The following KIFAP3 variants were observed in gnomAD, a reference collection of about 807,000 sequenced individuals.
KIFAP3 encodes the protein kinesin-associated protein 3.
A neutral mutation model predicts 106.5 loss-of-function variants in KIFAP3; 68 were observed. The observed-to-expected ratio is 0.64, with a 90% CI of 0.53 to 0.78. KIFAP3 has a LOEUF of 0.78. Ranked by LOEUF, KIFAP3 falls within the 30% of genes least tolerant of loss-of-function variation. The pLI is 0.00. For synonymous variants in KIFAP3, 320 were observed against 311.5 expected (o/e 1.03, Z -0.29); for missense variants, 780 against 941.8 (o/e 0.83, Z 2.25).
intron 19 of KIFAP3, among the ~76,000 whole-genome samples, chr1:169,935,764 C>T (rs1425287395): frequency 2.0e-5 from 3 of 151,800 alleles, no homozygotes; most frequent in East Asian, 1.9e-4. Flanking sequence ...TACATATACC[C>T]ATAATTAACT....
intron 10 of KIFAP3, among the ~76,000 whole-genome samples, chr1:169,992,808 C>G (rs1667168749): frequency 6.6e-6 from 1 of 152,000 alleles, no homozygotes; most frequent in African/African-American, 2.4e-5. Flanking sequence ...TAAGATTATT[C>G]TGGTTTTATA....
intron 9 of KIFAP3, among the ~76,000 whole-genome samples, chr1:170,023,135 C>A (rs1156860653): frequency 6.6e-6 from 1 of 151,920 alleles, no homozygotes; most frequent in Non-Finnish European, 1.5e-5. Flanking sequence ...TTTGATTAAT[C>A]TAAGAATATT....
rs80228718 is a variant in KIFAP3 at position 169,928,436 on chromosome 1, G to A, written c.2274-6655C>T. Among the ~76,000 whole-genome samples the A allele has an allele frequency of 3.7e-3, 559 of 151,998 alleles. 5 individuals are homozygous for A. The highest frequency in any genetic ancestry group is 0.013 in the African/African-American group (537 of 41,488). On this transcript the variant is annotated intron_variant, in intron 19 of 19. Coordinates refer to ENST00000361580, the MANE Select transcript of KIFAP3 (RefSeq NM_014970.4). ...TTAAAATAGTTTTTTTAGGCCAGAT[G>A]CTGTTGCTTATGCCTAAAATCCCAG...
At chr1:169,982,155 A>T in intron 14 of KIFAP3, 58 bp from the exon 15 acceptor site, 2 of 1,534,602 alleles carry the variant, frequency 1.3e-6, no homozygotes, top group Non-Finnish European at 1.8e-6. Flanking sequence ...AAATTCATTT[A>T]GAGTATCAAA....
chr1:170,032,066 A>C, intron 7 of KIFAP3, 82 bp from the exon 8 acceptor site: 1 of 741,238 alleles, frequency 1.3e-6, no homozygotes, highest in South Asian at 1.8e-5. Flanking sequence ...TGGCACTATT[A>C]AATTTTATGT....
rs1230447362 is a variant in KIFAP3, at chr1:169,984,609, T to C, written c.1366A>G (p.Lys456Glu). Residue 456 changes from lysine (K) to glutamate (E), a missense_variant, in exon 12 of 20, where the codon AAA becomes GAA. This residue lies in a region of KIFAP3 where 588 missense variants were observed against 678.9 expected (regional missense o/e 0.87). Coordinates refer to ENST00000361580, the MANE Select transcript of KIFAP3 (RefSeq NM_014970.4). The stretch of plus-strand genomic sequence containing the variant: ...TCACAGATAAGCTGTACATTTCTTT[T>C]GTTAGCAGCAAGATTAATGCAGAAA... ...ISFCINLAAN[K>E]RNVQLICEGN... is the part of the protein sequence containing the mutation. 6.2e-7 allele frequency: 1 copy of C among 1,605,522 alleles called. No individual in the cohort carries two copies. Among genetic ancestry groups the C allele is most frequent in the Non-Finnish European group, 8.5e-7 (1 of 1,173,852 alleles).
At chr1:169,959,647 CAAT>C in intron 18 of KIFAP3, among the ~76,000 whole-genome samples, 1 of 152,136 alleles carries the variant, frequency 6.6e-6, no homozygotes, top group South Asian at 2.1e-4. Context: ...ATTAAAACAA[CAAT>C]GATGAATACT....
chr1:170,021,800 T>C (rs2102016199), intron 9 of KIFAP3, among the ~76,000 whole-genome samples: 1 of 152,146 alleles, frequency 6.6e-6, no homozygotes, highest in African/African-American at 2.4e-5. Flanking sequence ...AATTAGTCAA[T>C]CAGATGTTTA....
chr1:170,059,720 G>T (rs185104232), intron 1 of KIFAP3, among the ~76,000 whole-genome samples: 6 of 151,884 alleles, frequency 4.0e-5, no homozygotes. Flanking sequence ...CAAAAAAAAA[G>T]AATTTTAAAC....
intron 2 of KIFAP3, among the ~76,000 whole-genome samples, chr1:170,051,440 C>G (rs1670571106): frequency 6.6e-6 from 1 of 152,140 alleles, no homozygotes; most frequent in Non-Finnish European, 1.5e-5. Flanking sequence ...ATCAATGAGA[C>G]AGAAAATTAA....
intron 17 of KIFAP3, among the ~76,000 whole-genome samples, chr1:169,968,386 G>T (rs1665740637): frequency 6.6e-6 from 1 of 151,866 alleles, no homozygotes; most frequent in African/African-American, 2.4e-5. Context: ...CACACTATAG[G>T]ATAACACAGA....
chr1:170,075,418 A>G (rs538276511), upstream of KIFAP3, among the ~76,000 whole-genome samples: 26 of 152,324 alleles, frequency 1.7e-4, no homozygotes, highest in South Asian at 4.6e-3. Flanking sequence ...CTAGGGATGC[A>G]AAGAAAGCAC....
At chr1:170,084,421 T>C (rs565507100) in intron 1 of KIFAP3, among the ~76,000 whole-genome samples, 7 of 152,332 alleles carry the variant, frequency 4.6e-5, no homozygotes, top group African/African-American at 1.7e-4. Flanking sequence ...CTATATCAAA[T>C]ACAGTTACTG....
In KIFAP3 at chr1:170,024,553, G is replaced by A. The variant is rs770475559; in HGVS notation, c.885C>T (p.Thr295=). The change falls in exon 9 of 20, where the codon ACC becomes ACT. Residue 295 remains threonine (T), a synonymous_variant. Transcript: ENST00000361580. The stretch of plus-strand genomic sequence containing the variant: ...TGTTCTTGTTCCTCATTTTCAGTTC[G>A]GTACGAGTATCCTCAGCAAGATTCA... ...LLLNLAEDTR[T]ELKMRNKNIV... is the part of the protein sequence containing the mutation. The A allele has an allele frequency of 2.9e-5, 46 of 1,597,318 alleles. No homozygotes were observed. The highest frequency in any genetic ancestry group is 4.6e-5 in the South Asian group (4 of 87,858).
intron 17 of KIFAP3, 97 bp downstream of exon 17, chr1:169,972,416 G>T: frequency 3.0e-6 from 2 of 657,792 alleles, no homozygotes; most frequent in East Asian, 6.0e-5. Context: ...TACAAAGTTG[G>T]GTTTACACTG....
chr1:169,962,857 C>A (rs644834), intron 17 of KIFAP3, among the ~76,000 whole-genome samples: 142,668 of 152,242 alleles, frequency 0.94, 66,931 homozygotes, highest in East Asian at 1. Flanking sequence ...AAATATATAG[C>A]TGCTCCCTTT....
intron 14 of KIFAP3, 143 bp from the exon 15 acceptor site, chr1:169,982,240 C>G (rs1666562203): frequency 1.1e-6 from 1 of 888,022 alleles, no homozygotes; most frequent in South Asian, 1.9e-5. Flanking sequence ...ATAAATTTGT[C>G]CTTTTTCCAA....
intron 8 of KIFAP3, among the ~76,000 whole-genome samples, chr1:170,031,529 A>G (rs1317057193): frequency 6.6e-6 from 1 of 151,806 alleles, no homozygotes; most frequent in Non-Finnish European, 1.5e-5. Context: ...ATATTTTAAA[A>G]TGTTTATATC....
chr1:170,045,401 T>G (rs541180327), intron 3 of KIFAP3, among the ~76,000 whole-genome samples: 1 of 152,302 alleles, frequency 6.6e-6, no homozygotes. Context: ...TTAAGGCTTT[T>G]AAAAAGTCTA....
Sources: allele counts gnomAD v4.1 joint callset (sites outside exome capture counted in the v4.1 genomes callset), GRCh38; gene constraint gnomAD v4.1.1; regional missense constraint gnomAD v4.1.1; transcripts MANE v1.5; gene names NCBI Gene and HGNC (gene_info 2026-07-23, HGNC 2026-07-21).